DOCK1: variants seen among roughly 807,000 people sequenced by gnomAD.
The protein encoded by DOCK1 is dedicator of cytokinesis protein 1.
In DOCK1, 138 loss-of-function variants were observed where a neutral mutation model predicts 262.7. That is an observed-to-expected ratio of 0.53 (90% CI 0.46 to 0.61). The LOEUF is 0.61. Among genes scored for constraint, DOCK1 ranks in the 20% least tolerant of loss-of-function variants. The pLI, the probability that DOCK1 is intolerant of heterozygous loss-of-function variation, is 0.00. For synonymous variants in DOCK1, 866 were observed against 867.4 expected (o/e 1.00, Z 0.03); for missense variants, 1,908 against 2,370.7 (o/e 0.80, Z 4.05).
intron 27 of DOCK1, among the ~76,000 whole-genome samples, chr10:127,156,730 G>A (rs1347033399): frequency 6.6e-6 from 1 of 151,600 alleles, no homozygotes; most frequent in Non-Finnish European, 1.5e-5. Context: ...CACCACTCCC[G>A]GCTAATTTTG....
chr10:127,355,180 C>G (rs2064085330), intron 32 of DOCK1, among the ~76,000 whole-genome samples: 1 of 152,222 alleles, frequency 6.6e-6, no homozygotes, highest in Non-Finnish European at 1.5e-5. Flanking sequence ...CTCCTGCACT[C>G]AAAGCAGTGA....
intron 25 of DOCK1, among the ~76,000 whole-genome samples, chr10:127,114,097 C>T (rs2049028871): frequency 6.6e-6 from 1 of 152,178 alleles, no homozygotes; most frequent in Non-Finnish European, 1.5e-5. Context: ...TCATGGCACG[C>T]CCCCCATGTG....
chr10:127,385,436 A>C (rs185740355), intron 38 of DOCK1, among the ~76,000 whole-genome samples: 5 of 136,356 alleles, frequency 3.7e-5, no homozygotes, highest in African/African-American at 1.4e-4. Context: ...TATTTAAAAA[A>C]AAAAGCTGTT....
At chr10:127,353,238 C>T (rs528660536) in intron 31 of DOCK1, among the ~76,000 whole-genome samples, 79 of 152,306 alleles carry the variant, frequency 5.2e-4, no homozygotes, top group East Asian at 9.7e-4. Context: ...GCTGCAAGGA[C>T]GTCAGCCTGC....
At chr10:127,245,711 A>C (rs911209726) in intron 27 of DOCK1, among the ~76,000 whole-genome samples, 1 of 152,188 alleles carries the variant, frequency 6.6e-6, no homozygotes, top group Non-Finnish European at 1.5e-5. Context: ...GTCTGGCTGC[A>C]CTGATGTTTC....
chr10:127,010,521 A>G lies in DOCK1; in HGVS notation c.1059-1711A>G, dbSNP rs186375531. ...ATTAAACATTTAGTTCTTCAGTCAC[A>G]TTGGTCCTGTTTCAAGTGTTCAGCA... is the stretch of plus-strand genomic sequence containing the variant. On this transcript the variant is annotated intron_variant, in intron 11 of 51. Transcript: ENST00000623213. Among the ~76,000 whole-genome samples the G allele has an allele frequency of 1.1e-4, 17 of 152,312 alleles. No individual in the cohort carries two copies. In the East Asian group the frequency reaches 3.3e-3, roughly 29 times the overall value.
intron 27 of DOCK1, among the ~76,000 whole-genome samples, chr10:127,161,843 G>A (rs970372636): frequency 6.6e-6 from 1 of 152,224 alleles, no homozygotes; most frequent in Non-Finnish European, 1.5e-5. Flanking sequence ...ATGGAATGAT[G>A]AATGAAGGAA....
intron 29 of DOCK1, among the ~76,000 whole-genome samples, chr10:127,261,995 C>A (rs1161377845): frequency 1.0e-5 from 1 of 99,840 alleles, no homozygotes; most frequent in Non-Finnish European, 1.9e-5. Flanking sequence ...TGTGTGTACC[C>A]ATGCTCATCT....
chr10:127,168,384 A>G (rs1258031010), intron 27 of DOCK1, among the ~76,000 whole-genome samples: 4 of 152,248 alleles, frequency 2.6e-5, no homozygotes, highest in Non-Finnish European at 4.4e-5. Context: ...ACAGGAGAGC[A>G]TTTGGCAGCA....
chr10:127,419,363 G>T (rs2068360241), intron 45 of DOCK1, among the ~76,000 whole-genome samples: 1 of 152,208 alleles, frequency 6.6e-6, no homozygotes, highest in Non-Finnish European at 1.5e-5. Context: ...CGTGTGAGTA[G>T]CTGGGAGGGC....
chr10:127,271,038 C>CAT (rs1045205561), intron 29 of DOCK1, among the ~76,000 whole-genome samples: 4 of 151,288 alleles, frequency 2.6e-5, no homozygotes, highest in Admixed American at 2.6e-4. Flanking sequence ...CACACACACA[C>CAT]ATATATAAAT....
intron 38 of DOCK1, among the ~76,000 whole-genome samples, chr10:127,385,777 G>A (rs1431672375): frequency 1.3e-5 from 2 of 152,138 alleles, no homozygotes; most frequent in Admixed American, 6.5e-5. Flanking sequence ...TGTTGCTGGC[G>A]GTCTCTGGCA....
chr10:127,025,100 C>T (rs113472429), intron 15 of DOCK1: 85 of 184,714 alleles, frequency 4.6e-4, no homozygotes, highest in South Asian at 2.4e-3. Context: ...ACAAAAAAAC[C>T]GAGCTGCCAG....
Position 127,444,264 on chromosome 10 carries a change from T to A in DOCK1, c.5398T>A (p.Phe1800Ile), listed in dbSNP as rs779615103. The change falls in exon 50 of 52, where the codon TTC becomes ATC. Residue 1800 changes from phenylalanine to isoleucine, a missense_variant. By Grantham distance (21) the Phe-to-Ile change is conservative. Coordinates refer to ENST00000623213, the MANE Select transcript of DOCK1 (RefSeq NM_001290223.2). ...AGTTACACCAAGGGCCAAGCTCAGC[T>A]TCAGCATGCAGTCGAGTAAGTGGAA... is the stretch of plus-strand genomic sequence containing the variant. ...PPVTPRAKLS[F>I]SMQSSLELNG... 9.3e-6 allele frequency: 15 copies of A among 1,608,736 alleles called. No homozygotes were observed. In the South Asian group the frequency reaches 1.7e-4, roughly 18 times the overall value.
chr10:127,036,065 TTC>T (rs1193871175), intron 18 of DOCK1, among the ~76,000 whole-genome samples: 1 of 151,818 alleles, frequency 6.6e-6, no homozygotes, highest in Non-Finnish European at 1.5e-5. Flanking sequence ...GAGTGCTCAA[TTC>T]GTCATCCTCT....
chr10:127,195,002 A>G (rs2057008388), intron 27 of DOCK1, among the ~76,000 whole-genome samples: 1 of 152,186 alleles, frequency 6.6e-6, no homozygotes, highest in Admixed American at 6.5e-5. Flanking sequence ...CCTGGGCTGT[A>G]GATAAGCAAA....
intron 27 of DOCK1, among the ~76,000 whole-genome samples, chr10:127,155,593 A>C (rs2052965208): frequency 6.6e-6 from 1 of 152,038 alleles, no homozygotes; most frequent in African/African-American, 2.4e-5. Flanking sequence ...GTTCCTCACC[A>C]GACACGGTGA....
intron 23 of DOCK1, among the ~76,000 whole-genome samples, chr10:127,095,908 A>G (rs2047880923): frequency 6.6e-6 from 1 of 152,220 alleles, no homozygotes; most frequent in Admixed American, 6.5e-5. Context: ...TTTGTGATAC[A>G]GAAACACGCA....
intron 27 of DOCK1, among the ~76,000 whole-genome samples, chr10:127,245,046 A>C (rs11819364): frequency 0.043 from 6,534 of 152,252 alleles, 188 homozygotes; most frequent in African/African-American, 0.077. Context: ...GCTTCCATAA[A>C]TACCCGTTTT....
Sources: gnomAD v4.1 joint callset for allele counts (sites outside exome capture counted in the v4.1 genomes callset) on GRCh38, gnomAD v4.1.1 for gene constraint, MANE v1.5 for transcripts, NCBI Gene and HGNC (gene_info 2026-07-23, HGNC 2026-07-21) for gene names.